ASAP1: variants seen among roughly 807,000 people sequenced by gnomAD.
ASAP1 encodes arf-GAP with SH3 domain, ANK repeat and PH domain-containing protein 1.
Under a neutral mutation model 145.2 loss-of-function variants are expected in ASAP1, and 43 were observed. The ratio of observed to expected loss-of-function variants is 0.30; its 90% confidence interval spans 0.23 to 0.38. The LOEUF (loss-of-function observed/expected upper bound fraction) is 0.38, where lower values mean the gene tolerates loss of function less well. Ranked by LOEUF, ASAP1 falls within the 10% of genes least tolerant of loss-of-function variation. The pLI is 1.00. For synonymous variants in ASAP1, 546 were observed against 515.5 expected (o/e 1.06, Z -0.80); for missense variants, 1,018 against 1,355.3 (o/e 0.75, Z 3.91).
chr8:130,379,958 G>A (rs1827688660), intron 2 of ASAP1, among the ~76,000 whole-genome samples: 1 of 152,176 alleles, frequency 6.6e-6, no homozygotes, highest in African/African-American at 2.4e-5. Context: ...AGAGGCTGCA[G>A]GAGACTGGCC....
intron 5 of ASAP1, among the ~76,000 whole-genome samples, chr8:130,211,055 G>A (rs1412582985): frequency 6.6e-6 from 1 of 152,116 alleles, no homozygotes; most frequent in Non-Finnish European, 1.5e-5. Flanking sequence ...CTGGTGAGGC[G>A]GAAACTAGGA....
At chr8:130,137,693 T>C (rs929087520) in intron 13 of ASAP1, among the ~76,000 whole-genome samples, 2 of 152,140 alleles carry the variant, frequency 1.3e-5, no homozygotes, top group African/African-American at 4.8e-5. Context: ...CCCCAATATC[T>C]GGGGAGAGAG....
intron 3 of ASAP1, among the ~76,000 whole-genome samples, chr8:130,349,946 G>T (rs989366774): frequency 6.6e-6 from 1 of 152,168 alleles, no homozygotes; most frequent in African/African-American, 2.4e-5. Flanking sequence ...ACCCAGATCT[G>T]GTTTTAGTCC....
chr8:130,128,435 G>A (rs2097578535), intron 15 of ASAP1, among the ~76,000 whole-genome samples: 1 of 152,080 alleles, frequency 6.6e-6, no homozygotes, highest in Admixed American at 6.5e-5. Context: ...TGTTGGAATG[G>A]AGAGGACTCA....
chr8:130,063,934 T>A (rs2135100405), intron 27 of ASAP1, among the ~76,000 whole-genome samples: 1 of 151,890 alleles, frequency 6.6e-6, no homozygotes, highest in African/African-American at 2.4e-5. Flanking sequence ...TGAGGGCAGG[T>A]AAGCAGGGGA....
chr8:130,115,071 T>TTTATG (rs1253567536), intron 23 of ASAP1, among the ~76,000 whole-genome samples: 1 of 152,140 alleles, frequency 6.6e-6, no homozygotes, highest in Admixed American at 6.5e-5. Context: ...CATGGTTAAT[T>TTTATG]TTATGTGTCA....
intron 3 of ASAP1, among the ~76,000 whole-genome samples, chr8:130,244,255 T>C (rs1818715232): frequency 1.3e-5 from 2 of 152,170 alleles, no homozygotes; most frequent in Admixed American, 6.5e-5. Flanking sequence ...GTGTCTGACA[T>C]TTGAGGACCT....
chr8:130,435,466 A>G (rs1830280859), intron 1 of ASAP1, among the ~76,000 whole-genome samples: 1 of 152,224 alleles, frequency 6.6e-6, no homozygotes, highest in African/African-American at 2.4e-5. Flanking sequence ...GCAGCAGGTG[A>G]ATGCACAGGA....
At chr8:130,156,608 A>C (rs963712764) in intron 12 of ASAP1, among the ~76,000 whole-genome samples, 1 of 152,254 alleles carries the variant, frequency 6.6e-6, no homozygotes, top group African/African-American at 2.4e-5. Flanking sequence ...TATGCCTTGC[A>C]TATCCTTAGA....
intron 3 of ASAP1, among the ~76,000 whole-genome samples, chr8:130,265,803 G>A (rs1355968564): frequency 6.6e-6 from 1 of 152,114 alleles, no homozygotes. Flanking sequence ...TCTGGGCCTG[G>A]GAGGTCGAGG....
intron 3 of ASAP1, among the ~76,000 whole-genome samples, chr8:130,314,171 C>A (rs78393342): frequency 0.017 from 2,649 of 152,264 alleles, 39 homozygotes; most frequent in East Asian, 0.064. Context: ...AGCTTCCTCC[C>A]CCCACTTACA....
chr8:130,105,243 A>C (rs2097535016), intron 24 of ASAP1, among the ~76,000 whole-genome samples: 1 of 152,246 alleles, frequency 6.6e-6, no homozygotes, highest in Admixed American at 6.5e-5. Flanking sequence ...CAAACAATAT[A>C]GTATAGCAAC....
At chr8:130,197,142 C>T (rs1815550726) in intron 5 of ASAP1, among the ~76,000 whole-genome samples, 1 of 152,246 alleles carries the variant, frequency 6.6e-6, no homozygotes, top group Non-Finnish European at 1.5e-5. Flanking sequence ...AGAACTGACA[C>T]CAACGGGCCA....
intron 3 of ASAP1, chr8:130,341,010 GGTTTTTTAGAGT>G (rs1235082750): frequency 7.2e-6 from 3 of 419,122 alleles, no homozygotes; most frequent in South Asian, 3.4e-5. Flanking sequence ...GTGGAGGGGT[GGTTTTTTAGAGT>G]GTTTTTTAAC....
intron 1 of ASAP1, among the ~76,000 whole-genome samples, chr8:130,423,267 T>A (rs1219130113): frequency 1.3e-5 from 2 of 152,210 alleles, no homozygotes; most frequent in African/African-American, 4.8e-5. Flanking sequence ...GCATTAAATT[T>A]AAAAATGCAA....
At chr8:130,194,359 A>G (rs961420811) in intron 5 of ASAP1, among the ~76,000 whole-genome samples, 31 of 152,104 alleles carry the variant, frequency 2.0e-4, no homozygotes, top group African/African-American at 7.0e-4. Flanking sequence ...AGGAAATTTT[A>G]GGAAATATTC....
At chr8:130,256,392 C>G (rs528941643) in intron 3 of ASAP1, among the ~76,000 whole-genome samples, 1 of 124,800 alleles carries the variant, frequency 8.0e-6, no homozygotes, top group Non-Finnish European at 1.6e-5. Context: ...AATACATCTG[C>G]AGAGGATCTG....
intron 2 of ASAP1, among the ~76,000 whole-genome samples, chr8:130,390,941 C>CG (rs1001742297): frequency 1.6e-5 from 2 of 122,042 alleles, no homozygotes; most frequent in African/African-American, 2.7e-5. Context: ...TATCCCCCGC[C>CG]CCCCCAAAAT....
intron 5 of ASAP1, among the ~76,000 whole-genome samples, chr8:130,192,553 T>G (rs555958709): frequency 4.3e-4 from 65 of 152,340 alleles, no homozygotes; most frequent in Non-Finnish European, 8.5e-4. Flanking sequence ...CCTCCTATCC[T>G]ATGGGCCTTA....
Sources: gnomAD v4.1 joint callset for allele counts (sites outside exome capture counted in the v4.1 genomes callset) on GRCh38, gnomAD v4.1.1 for gene constraint, MANE v1.5 for transcripts, NCBI Gene and HGNC (gene_info 2026-07-23, HGNC 2026-07-21) for gene names.